Variants in PSG3 observed in about 807,000 individuals in gnomAD.
The protein encoded by PSG3 is pregnancy-specific beta-1-glycoprotein 3.
PSG3 carries 61 observed loss-of-function variants against 47.5 expected under a neutral mutation model. The observed-to-expected ratio is 1.28, with a 90% confidence interval of 1.05 to 1.59. The LOEUF (loss-of-function observed/expected upper bound fraction) is 1.59, where lower values mean the gene tolerates loss of function less well. Among genes scored for constraint, PSG3 ranks in the 40% most tolerant of loss-of-function variants. The pLI, the probability that PSG3 is intolerant of heterozygous loss-of-function variation, is 0.00. For synonymous variants in PSG3, 263 were observed against 198.4 expected, an observed-to-expected ratio of 1.33 and a Z score of -2.74; for missense variants, 756 against 524.0, an observed-to-expected ratio of 1.44 and a Z score of -4.32.
chr19:42,738,835 G>A lies in PSG3; in HGVS notation c.319C>T (p.Leu107=). The A allele has an allele frequency of 2.5e-6, 4 of 1,614,132 alleles. No individual in the cohort carries two copies. The highest frequency in any genetic ancestry group is 3.4e-6 in the Non-Finnish European group (4 of 1,179,996). Residue 107 remains leucine (L), a synonymous_variant, in exon 2 of 7, where the codon CTG becomes TTG. Transcript: ENST00000327495. ...TCCCGGGTGACATTCTGGATCAGCA[G>A]GGATGCATTGGAATATACTGTTTCT... is the stretch of plus-strand genomic sequence containing the variant. ...GRETVYSNAS[L]LIQNVTREDA...
At chr19:42,727,466 C>A (rs1233351878) in intron 5 of PSG3, among the ~76,000 whole-genome samples, 3 of 152,198 alleles carry the variant, frequency 2.0e-5, no homozygotes, top group African/African-American at 7.2e-5. Flanking sequence ...ATGGAGTTTT[C>A]TCCAAGGAAG....
intron 5 of PSG3, among the ~76,000 whole-genome samples, chr19:42,724,843 G>A (rs1249660261): frequency 1.3e-5 from 2 of 151,752 alleles, no homozygotes; most frequent in East Asian, 3.9e-4. Context: ...CAGTAACCAT[G>A]TCCTAGTGTT....
In PSG3 at chr19:42,740,410, T is replaced by C. The variant is rs1969653938; in HGVS notation, c.-26A>G. 1 of 1,613,952 alleles carries C rather than the reference T, an allele frequency of 6.2e-7. No homozygotes were observed. The highest frequency in any genetic ancestry group is 8.5e-7 in the Non-Finnish European group (1 of 1,179,906). On this transcript the variant is annotated 5_prime_UTR_variant, in exon 1 of 7. Coordinates refer to ENST00000327495, the MANE Select transcript of PSG3 (RefSeq NM_021016.4). ...GGTCTCTGCTGCCTGCGTGTTCTCC[T>C]CTGTGGAGCTGAGCCTAGGATCCAG...
At position 42,732,431 on chromosome 19, in the gene PSG3, G is replaced by C. The variant is rs756634732; in HGVS notation, c.709+353C>G. The C allele has an allele frequency of 1.2e-4, 52 of 442,040 alleles. No homozygotes were observed. The Middle Eastern group carries it at 3.4e-3, about 29-fold the overall frequency. 27.4% of individuals were successfully genotyped at this position (442,040 alleles called of 1,614,324 possible). On this transcript the variant is annotated intron_variant, in intron 3 of 6. Coordinates refer to ENST00000327495, the MANE Select transcript of PSG3 (RefSeq NM_021016.4). ...ATAGGTGGTATTGTCAGAGGGAAGG[G>C]AAAATCCTGGTCTGTGGAAGGGCCA...
rs374490687 is a variant in PSG3, at chr19:42,730,185, G to T, written c.710-129C>A. 2.8e-5 allele frequency: 42 copies of T among 1,485,442 alleles called. No individual in the cohort carries two copies. In the East Asian group the frequency reaches 4.1e-4, roughly 14 times the overall value. The allele number at this position is 1,485,442 out of a possible 1,614,324, so 92.0% of individuals were successfully genotyped here. On this transcript the variant is annotated intron_variant, in intron 3 of 6. Transcript: ENST00000327495. ...GTCCTTGAAAGCCAATAGCTGGTGC[G>T]TGTGTCACAAGACAGATGCATGATG...
At chr19:42,739,335 G>A (rs1188361580) in intron 1 of PSG3, 2 of 652,772 alleles carry the variant, frequency 3.1e-6, no homozygotes, top group Non-Finnish European at 4.7e-6. Flanking sequence ...GCATTTTTCT[G>A]TTTGGAATCC....
rs769714854 is a variant in PSG3, at chr19:42,729,214, A to T, written c.1152T>A (p.Ile384=). ...CATAGAGCCCGCTATGCTTTGTAGT[A>T]ATCTGGGGGATAAAGAGCTTTTGTC... ...LSGQKLFIPQ[I]TTKHSGLYAC... The change falls in exon 5 of 7, where the codon ATT becomes ATA. Residue 384 remains isoleucine (I), a synonymous_variant. Coordinates refer to ENST00000327495, the MANE Select transcript of PSG3 (RefSeq NM_021016.4). The T allele has an allele frequency of 2.3e-5, 37 of 1,613,910 alleles. No individual in the cohort carries two copies. The highest frequency in any genetic ancestry group is 2.9e-5 in the Non-Finnish European group (34 of 1,179,896).
chr19:42,724,513 T>C (rs930169551), intron 5 of PSG3, among the ~76,000 whole-genome samples: 5 of 152,210 alleles, frequency 3.3e-5, no homozygotes, highest in South Asian at 2.1e-4. Context: ...TGAAAGCAAG[T>C]CTAGTTCTCT....
chr19:42,726,772 TA>T (rs889296104), intron 5 of PSG3, among the ~76,000 whole-genome samples: 2 of 151,372 alleles, frequency 1.3e-5, no homozygotes, highest in South Asian at 2.1e-4. Flanking sequence ...ATTTTTGCAG[TA>T]AAAAAAAATC....
At chr19:42,739,125 C>A (rs376833954) in intron 1 of PSG3, 36 bp from the exon 2 acceptor site, 116 of 1,571,252 alleles carry the variant, frequency 7.4e-5, no homozygotes, top group Non-Finnish European at 1.0e-4. Context: ...AATATTGAGA[C>A]CTATGCATTG....
chr19:42,730,410 G>A (rs1969454045), intron 3 of PSG3, among the ~76,000 whole-genome samples: 1 of 152,184 alleles, frequency 6.6e-6, no homozygotes, highest in African/African-American at 2.4e-5. Context: ...ATGTGCAACT[G>A]GTGGGCCCCT....
chr19:42,738,641 G>A (rs566006223), intron 2 of PSG3, 83 bp downstream of exon 2: 8 of 1,609,982 alleles, frequency 5.0e-6, no homozygotes, highest in South Asian at 4.4e-5. Context: ...AGGGACACAG[G>A]CACAATCCAG....
rs750428151 is a variant in PSG3, at chr19:42,740,341, C to T, written c.44G>A (p.Trp15Ter). The T allele has an allele frequency of 7.4e-6, 12 of 1,614,000 alleles. No individual in the cohort carries two copies. The South Asian group carries it at 1.3e-4, about 18-fold the overall frequency. ...CTCACCTGTGAGCAGGAGCCCCTTC[C>T]AGGTGATGCGCTGTGTGCAGGGAGG... is the stretch of plus-strand genomic sequence containing the variant. ...SAPPCTQRIT[W>*]KGLLLTALLL... The change falls in exon 1 of 7, where the codon TGG (tryptophan) becomes TAG (stop). Residue 15 changes from tryptophan (W) to a stop codon, truncating the protein, a stop_gained. Coordinates refer to ENST00000327495, the MANE Select transcript of PSG3 (RefSeq NM_021016.4). LOFTEE classifies it high-confidence loss of function.
chr19:42,722,487 C>A (rs774010470), intron 6 of PSG3, among the ~76,000 whole-genome samples: 5 of 152,180 alleles, frequency 3.3e-5, no homozygotes, highest in African/African-American at 7.2e-5. Flanking sequence ...ATCTCCTGAC[C>A]TTGTGATCCG....
intron 6 of PSG3, among the ~76,000 whole-genome samples, chr19:42,723,728 G>C (rs1023129706): frequency 2.0e-5 from 3 of 152,218 alleles, no homozygotes; most frequent in Non-Finnish European, 4.4e-5. Flanking sequence ...TGAGCAGAGA[G>C]AGAGGCTGGA....
rs1245265881 is a variant in PSG3 at position 42,739,095 on chromosome 19, A to T, written c.65-6T>A. ...CCAGAAGTTTAAAAGTAATGCTAGGAGGTGGAGAGAGCATCAGTCAATATT... is the reference window on the plus strand; with the variant it reads ...CCAGAAGTTTAAAAGTAATGCTAGGTGGTGGAGAGAGCATCAGTCAATATT... On this transcript the variant is annotated splice_region_variant and splice_polypyrimidine_tract_variant and intron_variant, in intron 1 of 6. Coordinates refer to ENST00000327495, the MANE Select transcript of PSG3 (RefSeq NM_021016.4). 1 of 1,595,476 alleles carries T rather than the reference A, an allele frequency of 6.3e-7. No individual in the cohort carries two copies. The highest frequency in any genetic ancestry group is 8.6e-7 in the Non-Finnish European group (1 of 1,166,844).
At chr19:42,725,238 A>G (rs931146589) in intron 5 of PSG3, among the ~76,000 whole-genome samples, 1 of 152,226 alleles carries the variant, frequency 6.6e-6, no homozygotes, top group Non-Finnish European at 1.5e-5. Context: ...TGCAGTTTTC[A>G]GGTGAGGTAT....
intron 2 of PSG3, among the ~76,000 whole-genome samples, chr19:42,736,928 T>C (rs1046355674): frequency 2.6e-5 from 4 of 151,928 alleles, no homozygotes; most frequent in Admixed American, 1.3e-4. Context: ...AACTGAACAG[T>C]CAGCCTAGTT....
At chr19:42,727,947 A>G (rs1969403081) in intron 5 of PSG3, among the ~76,000 whole-genome samples, 2 of 152,246 alleles carry the variant, frequency 1.3e-5, no homozygotes, top group Non-Finnish European at 2.9e-5. Flanking sequence ...CTTAACAAGG[A>G]ATAAAATTCC....
Sources: gnomAD v4.1 joint callset for allele counts (sites outside exome capture counted in the v4.1 genomes callset) on GRCh38, gnomAD v4.1.1 for gene constraint, MANE v1.5 for transcripts, NCBI Gene and HGNC (gene_info 2026-07-23, HGNC 2026-07-21) for gene names.